COBL: variants seen among roughly 807,000 people sequenced by gnomAD.
COBL encodes the protein cordon-bleu WH2 repeat protein.
COBL carries 51 observed loss-of-function variants against 98.8 expected under a neutral mutation model. The ratio of observed to expected loss-of-function variants is 0.52; its 90% confidence interval spans 0.41 to 0.65. The LOEUF is 0.65. Ranked by LOEUF, COBL falls within the 30% of genes least tolerant of loss-of-function variation. COBL has a pLI of 0.00. For synonymous variants in COBL, 634 were observed against 651.7 expected, an observed-to-expected ratio of 0.97 and a Z score of 0.41; for missense variants, 1,617 against 1,617.5, an observed-to-expected ratio of 1.00 and a Z score of 0.01.
intron 7 of COBL, among the ~76,000 whole-genome samples, chr7:51,057,983 T>C (rs1367552637): frequency 6.6e-6 from 1 of 152,236 alleles, no homozygotes; most frequent in Non-Finnish European, 1.5e-5. Context: ...ATTATTTTAG[T>C]TTTTAAAATG....
intron 1 of COBL, among the ~76,000 whole-genome samples, chr7:51,241,583 T>A (rs12333855): frequency 7.4e-4 from 112 of 152,258 alleles, no homozygotes; most frequent in African/African-American, 2.6e-3. Flanking sequence ...TCTATATTTT[T>A]TAAAAAAATA....
chr7:51,259,865 A>G, intron 1 of COBL: 1 of 756,736 alleles, frequency 1.3e-6, no homozygotes, highest in Non-Finnish European at 2.4e-6. Context: ...TCTCTGCACC[A>G]GTAAACTCAT....
intron 5 of COBL, among the ~76,000 whole-genome samples, chr7:51,159,230 G>A (rs913521513): frequency 1.3e-5 from 2 of 152,196 alleles, no homozygotes; most frequent in East Asian, 1.9e-4. Context: ...GGAGACCACA[G>A]GTGCTGGGAA....
intron 1 of COBL, among the ~76,000 whole-genome samples, chr7:51,301,842 AT>A (rs535906188): frequency 6.6e-6 from 1 of 151,942 alleles, no homozygotes; most frequent in South Asian, 2.1e-4. Flanking sequence ...GCATTCCTCC[AT>A]CCTTGGGCTT....
intron 7 of COBL, among the ~76,000 whole-genome samples, chr7:51,070,062 A>C (rs1792363559): frequency 6.6e-6 from 1 of 152,196 alleles, no homozygotes; most frequent in Non-Finnish European, 1.5e-5. Context: ...AATAAGAAGG[A>C]AAAAGAAGGG....
intron 1 of COBL, among the ~76,000 whole-genome samples, chr7:51,254,812 G>A (rs1446899949): frequency 1.3e-5 from 2 of 152,152 alleles, no homozygotes; most frequent in African/African-American, 4.8e-5. Flanking sequence ...CAACCCTTGG[G>A]CAGCTGATTT....
chr7:51,170,534 T>TATATATATATATATATATATAA (rs1315143701), intron 5 of COBL, among the ~76,000 whole-genome samples: 18 of 134,500 alleles, frequency 1.3e-4, no homozygotes, highest in African/African-American at 4.8e-4. Flanking sequence ...TATATATAAA[T>TATATATATATATATATATATAA]ATATATCACA....
chr7:51,121,392 G>A (rs1562936324), intron 6 of COBL, among the ~76,000 whole-genome samples: 1 of 152,126 alleles, frequency 6.6e-6, no homozygotes, highest in Non-Finnish European at 1.5e-5. Flanking sequence ...TTGAGTTGAA[G>A]GAGTTCTCCA....
chr7:51,214,801 A>G (rs892397511), intron 2 of COBL, among the ~76,000 whole-genome samples: 1 of 152,218 alleles, frequency 6.6e-6, no homozygotes, highest in Non-Finnish European at 1.5e-5. Context: ...GCGATGCAAC[A>G]GCTTCCTCAT....
Position 51,219,853 on chromosome 7 carries a change from G to C in COBL, c.133C>G (p.Leu45Val), listed in dbSNP as rs1373519556. 2 of 1,613,768 alleles carry C rather than the reference G, an allele frequency of 1.2e-6. No individual in the cohort carries two copies. Among genetic ancestry groups the C allele is most frequent in the Admixed American group, 1.7e-5 (1 of 60,006 alleles). ...CGAACCAAGTTCTGCTGCGACCCGA[G>C]GGCCCCATCGTGGGGGGGCTTCTGG... Reference protein sequence around the residue: ...SDQKPPHDGALGSQQNLVRMK... With the variant: ...SDQKPPHDGAVGSQQNLVRMK... Residue 45 changes from leucine (L) to valine (V), a missense_variant, in exon 2 of 13, where the codon CTC becomes GTC. Leu to Val is a conservative substitution (Grantham distance 32). Around this residue, in one of 3 missense-constraint regions of COBL, gnomAD observed 238 missense variants for 215.0 expected, o/e 1.11. Transcript: ENST00000265136.
chr7:51,307,987 G>A (rs1360007786), intron 1 of COBL, among the ~76,000 whole-genome samples: 1 of 152,196 alleles, frequency 6.6e-6, no homozygotes, highest in Non-Finnish European at 1.5e-5. Flanking sequence ...GGCAGGAGCA[G>A]GAGGAAGGAA....
intron 1 of COBL, among the ~76,000 whole-genome samples, chr7:51,239,133 T>C (rs1026041436): frequency 1.3e-5 from 2 of 152,248 alleles, no homozygotes; most frequent in African/African-American, 2.4e-5. Flanking sequence ...CTAGAAATAC[T>C]GTCAGAGGCA....
In COBL at chr7:51,025,327, C is replaced by A. The variant is rs139118175; in HGVS notation, c.3550G>T (p.Ala1184Ser). 3.1e-6 allele frequency: 5 copies of A among 1,613,226 alleles called. No individual in the cohort carries two copies. Among genetic ancestry groups the A allele is most frequent in the Non-Finnish European group, 3.4e-6 (4 of 1,179,970 alleles). ...CTTTCCGAGCCCTGAGCAGAGAGTG[C>A]GGCATCTCGGAAGCTCTGGAGCTCC... is the stretch of plus-strand genomic sequence containing the variant. ...SEELQSFRDA[A>S]LSAQGSESPL... The change falls in exon 12 of 13, where the codon GCA (alanine) becomes TCA (serine). Residue 1184 changes from alanine to serine, a missense_variant. Ala to Ser is a moderately conservative substitution (Grantham distance 99). Around this residue, in one of 3 missense-constraint regions of COBL, gnomAD observed 1,304 missense variants for 1,282.0 expected, o/e 1.02. Coordinates refer to ENST00000265136, the MANE Select transcript of COBL (RefSeq NM_015198.5).
At chr7:51,105,064 C>T (rs1325858606) in intron 6 of COBL, among the ~76,000 whole-genome samples, 2 of 151,876 alleles carry the variant, frequency 1.3e-5, no homozygotes, top group Non-Finnish European at 2.9e-5. Flanking sequence ...ACTTAGGTGA[C>T]GTCAAGGAAA....
rs892228947 is a variant in COBL at position 51,220,226 on chromosome 7, G to T, written c.42-282C>A. 3.9e-5 allele frequency among the ~76,000 whole-genome samples: 6 copies of T among 152,318 alleles called. No individual in the cohort carries two copies. In the South Asian group the frequency reaches 1.2e-3, roughly 32 times the overall value. On this transcript the variant is annotated intron_variant, in intron 1 of 12. Transcript: ENST00000265136. Reference sequence around the variant, plus strand: ...ATTCACAGGATCTGGTCAAGGGGAGGGTGGGTGCAGCAGGGTTTCGCCCGA... The same window carrying T: ...ATTCACAGGATCTGGTCAAGGGGAGTGTGGGTGCAGCAGGGTTTCGCCCGA...
chr7:51,115,891 CTGT>C (rs1797230845), intron 6 of COBL, among the ~76,000 whole-genome samples: 1 of 151,948 alleles, frequency 6.6e-6, no homozygotes, highest in Non-Finnish European at 1.5e-5. Context: ...TTTTGAAGTT[CTGT>C]TATTAGGTAC....
intron 6 of COBL, among the ~76,000 whole-genome samples, chr7:51,086,589 C>T (rs1015788641): frequency 1.3e-5 from 2 of 150,482 alleles, no homozygotes; most frequent in Non-Finnish European, 1.5e-5. Context: ...ATGTGTACCA[C>T]GTATATGGGA....
chr7:51,232,866 A>G (rs186257881), intron 1 of COBL, among the ~76,000 whole-genome samples: 10 of 152,314 alleles, frequency 6.6e-5, no homozygotes, highest in African/African-American at 2.4e-4. Flanking sequence ...TTTCTCCTGA[A>G]CATTTATTCA....
At chr7:51,224,229 G>C (rs801144) in intron 1 of COBL, among the ~76,000 whole-genome samples, 1 of 151,952 alleles carries the variant, frequency 6.6e-6, no homozygotes, top group Non-Finnish European at 1.5e-5. Flanking sequence ...CTCAGAGTGC[G>C]CCCCTATCAT....
Sources: allele counts gnomAD v4.1 joint callset (sites outside exome capture counted in the v4.1 genomes callset), GRCh38; gene constraint gnomAD v4.1.1; regional missense constraint gnomAD v4.1.1; transcripts MANE v1.5; gene names NCBI Gene and HGNC (gene_info 2026-07-23, HGNC 2026-07-21).